Variants in ATP2C2 observed in about 807,000 individuals in gnomAD.
ATP2C2 encodes ATPase secretory pathway Ca2+ transporting 2, also known as calcium-transporting ATPase type 2C member 2.
ATP2C2 carries 171 observed loss-of-function variants against 110.8 expected under a neutral mutation model. The observed-to-expected ratio is 1.54, with a 90% confidence interval of 1.36 to 1.75. ATP2C2 has a LOEUF of 1.75. Ranked by LOEUF, ATP2C2 falls within the 40% of genes most tolerant of loss-of-function variation. The probability of loss-of-function intolerance (pLI) is 0.00; values close to 1 mark genes in which losing one functional copy is unlikely to be tolerated. For synonymous variants in ATP2C2, 804 were observed against 508.4 expected (o/e 1.58, Z -7.82); for missense variants, 1,963 against 1,235.0 (o/e 1.59, Z -8.84).
intron 17 of ATP2C2, 142 bp from the exon 18 acceptor site, chr16:84,451,779 A>T: frequency 1.2e-6 from 1 of 811,862 alleles, no homozygotes; most frequent in South Asian, 1.7e-5. Flanking sequence ...CAGAGGCTGC[A>T]GTGAGCCAAC....
intron 13 of ATP2C2, among the ~76,000 whole-genome samples, chr16:84,440,420 C>A (rs187531760): frequency 6.6e-6 from 1 of 152,366 alleles, no homozygotes; most frequent in East Asian, 1.9e-4. Context: ...AATAAAGTTT[C>A]CTTGGTGTAC....
chr16:84,441,014 C>T, intron 14 of ATP2C2, 56 bp downstream of exon 14: 1 of 1,389,642 alleles, frequency 7.2e-7, no homozygotes, highest in Non-Finnish European at 1.0e-6. Flanking sequence ...GCTTCTGGGG[C>T]TCCTCTCTGA....
At chr16:84,397,941 C>G (rs1048375202) in intron 1 of ATP2C2, among the ~76,000 whole-genome samples, 3 of 151,806 alleles carry the variant, frequency 2.0e-5, no homozygotes, top group Admixed American at 6.6e-5. Context: ...CCAACCTAAT[C>G]TATGAGGATT....
intron 1 of ATP2C2, among the ~76,000 whole-genome samples, chr16:84,383,896 C>T (rs914762287): frequency 1.3e-5 from 2 of 149,816 alleles, no homozygotes; most frequent in Admixed American, 6.8e-5. Flanking sequence ...CTCAAGCGAT[C>T]CTCCAACCTC....
intron 15 of ATP2C2, among the ~76,000 whole-genome samples, chr16:84,444,022 C>G (rs569587307): frequency 2.6e-5 from 4 of 151,936 alleles, no homozygotes; most frequent in Non-Finnish European, 5.9e-5. Flanking sequence ...TAAAAATTAG[C>G]TGGGCATGGT....
At chr16:84,431,259 G>C (rs978674297) in intron 11 of ATP2C2, among the ~76,000 whole-genome samples, 7 of 152,166 alleles carry the variant, frequency 4.6e-5, no homozygotes, top group Non-Finnish European at 8.8e-5. Flanking sequence ...AGCACTTTGG[G>C]ACTCTGAGGT....
At chr16:84,404,231 C>G (rs911743773) in intron 2 of ATP2C2, among the ~76,000 whole-genome samples, 1 of 152,186 alleles carries the variant, frequency 6.6e-6, no homozygotes, top group Non-Finnish European at 1.5e-5. Context: ...GGGTGGGACC[C>G]TCTCATGGGA....
intron 16 of ATP2C2, among the ~76,000 whole-genome samples, chr16:84,448,017 C>G (rs374194054): frequency 2.0e-5 from 3 of 152,068 alleles, no homozygotes; most frequent in East Asian, 1.9e-4. Context: ...AGGGCCTCCC[C>G]CCGTGGAGTT....
intron 7 of ATP2C2, among the ~76,000 whole-genome samples, chr16:84,418,202 G>A (rs1284311625): frequency 6.6e-6 from 1 of 152,210 alleles, no homozygotes; most frequent in African/African-American, 2.4e-5. Flanking sequence ...GTGGGCATGA[G>A]CCCTGTGTGT....
At chr16:84,455,892 GTT>G (rs1437062251) in intron 21 of ATP2C2, among the ~76,000 whole-genome samples, 3 of 134,276 alleles carry the variant, frequency 2.2e-5, no homozygotes, top group Admixed American at 1.6e-4. Flanking sequence ...TAATCATGTG[GTT>G]TTTGTCTTTG....
intron 11 of ATP2C2, among the ~76,000 whole-genome samples, chr16:84,429,799 C>T (rs916147456): frequency 6.6e-6 from 1 of 152,142 alleles, no homozygotes; most frequent in Non-Finnish European, 1.5e-5. Flanking sequence ...CAAAACAAAG[C>T]ACCACAGGCT....
At position 84,452,005 on chromosome 16, in the gene ATP2C2, T is replaced by C. The variant is rs759406585; in HGVS notation, c.1745T>C (p.Val582Ala). The C allele has an allele frequency of 1.1e-5, 17 of 1,609,338 alleles. No homozygotes were observed. The highest frequency in any genetic ancestry group is 3.4e-5 in the Admixed American group (2 of 59,408). The change falls in exon 18 of 27, where the codon GTG (valine) becomes GCG (alanine). Residue 582 changes from valine to alanine, a missense_variant. Transcript: ENST00000262429. ...VGIIDPPRVGVKEAVQVLSES... is the reference protein window; with the variant it reads ...VGIIDPPRVGAKEAVQVLSES... Reference sequence around the variant, plus strand: ...ATCATTGACCCCCCGAGAGTTGGCGTGAAGGAAGCAGTCCAGGTTCTCTCC... The same window carrying C: ...ATCATTGACCCCCCGAGAGTTGGCGCGAAGGAAGCAGTCCAGGTTCTCTCC...
chr16:84,410,138 G>C (rs1906146053), intron 4 of ATP2C2, among the ~76,000 whole-genome samples: 1 of 152,136 alleles, frequency 6.6e-6, no homozygotes, highest in African/African-American at 2.4e-5. Flanking sequence ...GAAACCGGGA[G>C]GCGGAGGTTG....
intron 11 of ATP2C2, among the ~76,000 whole-genome samples, chr16:84,426,979 A>G (rs1453450874): frequency 1.3e-5 from 2 of 152,130 alleles, no homozygotes; most frequent in Non-Finnish European, 2.9e-5. Flanking sequence ...TTCTGTGGCT[A>G]TTTGCCAAGA....
intron 10 of ATP2C2, 69 bp downstream of exon 10, chr16:84,423,332 A>G (rs1907526436): frequency 7.6e-6 from 11 of 1,451,586 alleles, no homozygotes; most frequent in South Asian, 6.9e-5. Flanking sequence ...GGGGGTTGCC[A>G]TGGCCGTTTC....
At chr16:84,422,127 C>T (rs982123213) in intron 7 of ATP2C2, among the ~76,000 whole-genome samples, 2 of 151,954 alleles carry the variant, frequency 1.3e-5, no homozygotes. Context: ...ATAGCCATCA[C>T]CTTCATTTTT....
At chr16:84,373,514 A>C (rs1415181622) in intron 1 of ATP2C2, among the ~76,000 whole-genome samples, 1 of 151,956 alleles carries the variant, frequency 6.6e-6, no homozygotes, top group African/African-American at 2.4e-5. Context: ...CAACAACAAC[A>C]AAAAAAGAGA....
chr16:84,447,145 C>T (rs901413310), intron 16 of ATP2C2, among the ~76,000 whole-genome samples: 2 of 152,124 alleles, frequency 1.3e-5, no homozygotes, highest in Non-Finnish European at 2.9e-5. Flanking sequence ...TCCACCCCTC[C>T]TCTTCCCTCC....
Position 84,459,376 on chromosome 16 carries a change from C to T in ATP2C2, c.2323C>T (p.Pro775Ser). The T allele has an allele frequency of 6.2e-7, 1 of 1,614,132 alleles. No homozygotes were observed. The highest frequency in any genetic ancestry group is 1.1e-5 in the South Asian group (1 of 91,092). The change falls in exon 23 of 27, where the codon CCG becomes TCG. Residue 775 changes from proline (P) to serine (S), a missense_variant. By Grantham distance (74) the Pro-to-Ser change is moderately conservative. Transcript: ENST00000262429. The stretch of plus-strand genomic sequence containing the variant: ...GATCAACATCATCATGGATGGGCCA[C>T]CGGCGCAGAGGTGAGGCAGGGCCGG... ...LWINIIMDGP[P>S]AQSLGVEPVD... is the part of the protein sequence containing the mutation.
Sources: gnomAD v4.1 joint callset for allele counts (sites outside exome capture counted in the v4.1 genomes callset) on GRCh38, gnomAD v4.1.1 for gene constraint, MANE v1.5 for transcripts, NCBI Gene and HGNC (gene_info 2026-07-23, HGNC 2026-07-21) for gene names.